Variants in AHI1 observed in about 807,000 individuals in gnomAD.
AHI1 encodes the protein Abelson helper integration site 1, also known as jouberin.
In AHI1, 123 loss-of-function variants were observed where a neutral mutation model predicts 149.3. The ratio of observed to expected loss-of-function variants is 0.82; its 90% CI spans 0.71 to 0.96. AHI1 has a LOEUF of 0.96. Among genes scored for constraint, AHI1 ranks in the 40% least tolerant of loss-of-function variants. The pLI is 0.00. For missense variants in AHI1, 1,439 were observed against 1,422.7 expected (o/e 1.01, Z -0.18); for synonymous variants, 475 against 459.8 (o/e 1.03, Z -0.42).
rs182282922 is a variant in AHI1, at chr6:135,464,448, C to T, written c.750-1142G>A. ...ATGGTAGGAAGCCTCTAAGATGGAC[C>T]TTACTGATCCCCACCTCTTCATATT... On this transcript the variant is annotated intron_variant, in intron 7 of 28. Transcript: ENST00000265602. 2.6e-5 allele frequency among the ~76,000 whole-genome samples: 4 copies of T among 152,260 alleles called. No individual in the cohort carries two copies. The East Asian group carries it at 7.7e-4, about 29-fold the overall frequency.
intron 5 of AHI1, among the ~76,000 whole-genome samples, chr6:135,478,312 A>T (rs1226234365): frequency 1.3e-5 from 2 of 152,206 alleles, no homozygotes. Flanking sequence ...CAAAATGCAG[A>T]TACTGATATG....
At chr6:135,401,083 A>C (rs1779964520) in intron 22 of AHI1, among the ~76,000 whole-genome samples, 1 of 152,204 alleles carries the variant, frequency 6.6e-6, no homozygotes, top group Non-Finnish European at 1.5e-5. Flanking sequence ...CTACTTAAGC[A>C]AAGTGGTCTT....
chr6:135,340,658 CATATATATATATAT>C (rs71006759), intron 24 of AHI1, among the ~76,000 whole-genome samples: 1 of 38,064 alleles, frequency 2.6e-5, no homozygotes, highest in African/African-American at 1.3e-4. Context: ...TACATACATA[CATATATATATATAT>C]ATATATATAT....
Position 135,345,687 on chromosome 6 carries a change from C to T in AHI1, c.3165+12445G>A, listed in dbSNP as rs544069363. Among the ~76,000 whole-genome samples, 7 of 151,784 alleles carry T rather than the reference C, an allele frequency of 4.6e-5. No individual in the cohort carries two copies. In the East Asian group the frequency reaches 7.7e-4, roughly 17 times the overall value. On this transcript the variant is annotated intron_variant, in intron 24 of 28. Coordinates refer to ENST00000265602, the MANE Select transcript of AHI1 (RefSeq NM_001134831.2). ...TGGAAAGGATCATTGCTAATGAGTA[C>T]GGGATTTCTTCTGGGGGGGCAACGA...
chr6:135,451,369 T>C (rs1212833531), intron 11 of AHI1, among the ~76,000 whole-genome samples: 1 of 152,128 alleles, frequency 6.6e-6, no homozygotes, highest in Non-Finnish European at 1.5e-5. Flanking sequence ...TCAATATATA[T>C]TCACCAAACA....
intron 23 of AHI1, among the ~76,000 whole-genome samples, chr6:135,376,093 T>A (rs964585601): frequency 1.4e-5 from 1 of 69,736 alleles, no homozygotes; most frequent in Non-Finnish European, 2.9e-5. Flanking sequence ...AAGACAGGAA[T>A]GGGGGGCGGG....
Position 135,333,975 on chromosome 6 carries a change from A to T in AHI1, c.3166-10651T>A, listed in dbSNP as rs550102266. ...GTTTGTGATCACACATTAACTGAAA[A>T]AGCTTTTGTCTGATTGCTGCAATAA... On this transcript the variant is annotated intron_variant, in intron 24 of 28. Transcript: ENST00000265602. 2.0e-5 allele frequency among the ~76,000 whole-genome samples: 3 copies of T among 152,356 alleles called. No homozygotes were observed. In the East Asian group the frequency reaches 5.8e-4, roughly 29 times the overall value.
intron 5 of AHI1, among the ~76,000 whole-genome samples, chr6:135,475,796 T>G (rs1792516890): frequency 6.6e-6 from 1 of 152,214 alleles, no homozygotes; most frequent in South Asian, 2.1e-4. Context: ...GATTTTAATC[T>G]GTATCCTTTT....
intron 23 of AHI1, among the ~76,000 whole-genome samples, chr6:135,384,813 G>C (rs1032440344): frequency 2.6e-5 from 4 of 152,152 alleles, no homozygotes; most frequent in African/African-American, 9.7e-5. Flanking sequence ...AATTGGACAG[G>C]CATGGTAGCT....
intron 24 of AHI1, among the ~76,000 whole-genome samples, chr6:135,344,375 T>C (rs1790840432): frequency 6.6e-6 from 1 of 150,938 alleles, no homozygotes; most frequent in African/African-American, 2.4e-5. Context: ...TATAAATATA[T>C]TTACATTAAA....
intron 23 of AHI1, among the ~76,000 whole-genome samples, chr6:135,371,781 G>T (rs1206822817): frequency 6.6e-6 from 1 of 152,164 alleles, no homozygotes; most frequent in Non-Finnish European, 1.5e-5. Context: ...GTTTTCCTGG[G>T]ATCTCAGTGC....
At chr6:135,426,142 T>TC (rs1783882930) in intron 20 of AHI1, among the ~76,000 whole-genome samples, 1 of 151,756 alleles carries the variant, frequency 6.6e-6, no homozygotes, top group African/African-American at 2.4e-5. Context: ...ATTTGAGGAA[T>TC]CCATCTATTT....
intron 8 of AHI1, among the ~76,000 whole-genome samples, chr6:135,461,304 A>T (rs755562014): frequency 1.3e-4 from 20 of 152,110 alleles, no homozygotes; most frequent in Non-Finnish European, 2.6e-4. Context: ...GTTAATAAAC[A>T]TGAAAACACT....
At chr6:135,481,813 T>C (rs1360262375) in intron 5 of AHI1, among the ~76,000 whole-genome samples, 1 of 148,436 alleles carries the variant, frequency 6.7e-6, no homozygotes, top group Non-Finnish European at 1.5e-5. Context: ...CAAGGAGACA[T>C]ATCTTGCAAA....
chr6:135,367,525 A>G (rs1421108652), intron 23 of AHI1, among the ~76,000 whole-genome samples: 1 of 152,008 alleles, frequency 6.6e-6, no homozygotes, highest in African/African-American at 2.4e-5. Context: ...ACATAATACC[A>G]AACTTCTGAG....
intron 27 of AHI1, among the ~76,000 whole-genome samples, chr6:135,290,913 AACACACACAC>A (rs574033007): frequency 4.8e-5 from 7 of 146,178 alleles, no homozygotes; most frequent in Non-Finnish European, 1.1e-4. Flanking sequence ...AACACACACA[AACACACACAC>A]ACACACACAC....
At position 135,465,865 on chromosome 6, in the gene AHI1, T is replaced by G; in HGVS notation, c.698A>C (p.Glu233Ala). ...AACTTCCTTTTTCTTTTTCCTTTTT[T>G]CACTGCTTAGTTTGTCATCATGGAA... ...TLFHDDKLSS[E>A]KRKKKKEVPV... Residue 233 changes from glutamate to alanine, a missense_variant, in exon 7 of 29, where the codon GAA becomes GCA. Glu to Ala is a moderately radical substitution (Grantham distance 107, BLOSUM62 -1). Transcript: ENST00000265602. The G allele has an allele frequency of 6.7e-7, 1 of 1,498,342 alleles. No individual in the cohort carries two copies. Among genetic ancestry groups the G allele is most frequent in the Non-Finnish European group, 8.9e-7 (1 of 1,128,052 alleles). 92.8% of individuals were successfully genotyped at this position (1,498,342 alleles called of 1,614,324 possible). A position where few individuals can be genotyped will look rare whatever the true frequency, so the allele number is the denominator to read the frequency against.
At chr6:135,327,369 C>A (rs1172899412) in intron 24 of AHI1, among the ~76,000 whole-genome samples, 1 of 152,232 alleles carries the variant, frequency 6.6e-6, no homozygotes, top group Non-Finnish European at 1.5e-5. Context: ...TAAAACTCTA[C>A]AACCAGCATC....
chr6:135,485,603 T>C (rs940519009), intron 5 of AHI1, among the ~76,000 whole-genome samples: 2 of 152,228 alleles, frequency 1.3e-5, no homozygotes, highest in Non-Finnish European at 2.9e-5. Context: ...AATTTACTTT[T>C]AAGATCTTTC....
Sources: gnomAD v4.1 joint callset for allele counts (sites outside exome capture counted in the v4.1 genomes callset) on GRCh38, gnomAD v4.1.1 for gene constraint, MANE v1.5 for transcripts, NCBI Gene and HGNC (gene_info 2026-07-23, HGNC 2026-07-21) for gene names.